AGBL4: variants seen among roughly 807,000 people sequenced by gnomAD.
The protein encoded by AGBL4 is cytosolic carboxypeptidase 6.
Under a neutral mutation model 66.4 loss-of-function variants are expected in AGBL4, and 58 were observed. The observed-to-expected ratio is 0.87, with a 90% confidence interval of 0.71 to 1.09. The LOEUF (loss-of-function observed/expected upper bound fraction) is 1.09. Among genes scored for constraint, AGBL4 ranks in the 50% least tolerant of loss-of-function variants. AGBL4 has a pLI of 0.00. For synonymous variants in AGBL4, 234 were observed against 222.9 expected (o/e 1.05, Z -0.44); for missense variants, 579 against 631.0 (o/e 0.92, Z 0.88).
At chr1:49,587,658 C>G (rs1415653768) in intron 3 of AGBL4, among the ~76,000 whole-genome samples, 1 of 152,068 alleles carries the variant, frequency 6.6e-6, no homozygotes, top group Non-Finnish European at 1.5e-5. Flanking sequence ...AGTCTGGCAT[C>G]ATGTTGCTAA....
intron 3 of AGBL4, among the ~76,000 whole-genome samples, chr1:49,416,917 G>C (rs75804763): frequency 0.011 from 1,657 of 152,138 alleles, 26 homozygotes; most frequent in African/African-American, 0.038. Context: ...TAAGGAAATG[G>C]AATATGATTG....
At chr1:48,584,332 C>T (rs148573201) in intron 11 of AGBL4, 1 of 152,184 alleles carries the variant, frequency 6.6e-6, no homozygotes, top group Admixed American at 6.6e-5. Flanking sequence ...GGACCACTTA[C>T]AGCTTCTGCC....
chr1:49,375,689 G>A (rs1644458497), intron 3 of AGBL4, among the ~76,000 whole-genome samples: 1 of 152,034 alleles, frequency 6.6e-6, no homozygotes, highest in East Asian at 1.9e-4. Flanking sequence ...GAAGAAATAT[G>A]GACAAAGCAC....
At chr1:49,806,931 G>A (rs910845470) in intron 2 of AGBL4, among the ~76,000 whole-genome samples, 3 of 152,138 alleles carry the variant, frequency 2.0e-5, no homozygotes, top group Non-Finnish European at 2.9e-5. Flanking sequence ...CCCTCTAGAG[G>A]ACACAGACAG....
intron 3 of AGBL4, among the ~76,000 whole-genome samples, chr1:49,630,062 A>G (rs1385552417): frequency 6.6e-6 from 1 of 152,168 alleles, no homozygotes; most frequent in African/African-American, 2.4e-5. Flanking sequence ...AATTAAAATA[A>G]CTATGGCCTT....
intron 6 of AGBL4, among the ~76,000 whole-genome samples, chr1:48,741,589 A>G (rs1369015179): frequency 6.6e-6 from 1 of 152,224 alleles, no homozygotes; most frequent in African/African-American, 2.4e-5. Flanking sequence ...GAGTCCTGAA[A>G]ACTAATACGT....
intron 3 of AGBL4, among the ~76,000 whole-genome samples, chr1:49,564,347 A>G (rs569026383): frequency 6.6e-6 from 1 of 152,148 alleles, no homozygotes; most frequent in Admixed American, 6.5e-5. Context: ...GCCTTCTGCT[A>G]GCTTTTGAAT....
intron 4 of AGBL4, among the ~76,000 whole-genome samples, chr1:49,245,176 C>T (rs1375328514): frequency 6.7e-6 from 1 of 149,482 alleles, no homozygotes; most frequent in East Asian, 2.0e-4. Flanking sequence ...TTATTATTAC[C>T]ATCATTATTA....
chr1:49,754,584 C>T, intron 2 of AGBL4, among the ~76,000 whole-genome samples: 1 of 152,138 alleles, frequency 6.6e-6, no homozygotes, highest in East Asian at 1.9e-4. Context: ...AGAGGGGCAC[C>T]CAACAGATGC....
At chr1:48,793,786 C>T (rs1420865196) in intron 6 of AGBL4, among the ~76,000 whole-genome samples, 1 of 152,136 alleles carries the variant, frequency 6.6e-6, no homozygotes, top group East Asian at 1.9e-4. Flanking sequence ...CTCTTTCAAG[C>T]TGTTTAGGTT....
chr1:49,978,046 A>G (rs1658724691), intron 1 of AGBL4, among the ~76,000 whole-genome samples: 1 of 152,206 alleles, frequency 6.6e-6, no homozygotes, highest in Non-Finnish European at 1.5e-5. Flanking sequence ...AAATGACTTT[A>G]TCTTCAAATT....
intron 4 of AGBL4, among the ~76,000 whole-genome samples, chr1:49,162,171 G>A (rs915827242): frequency 3.3e-5 from 5 of 152,074 alleles, no homozygotes; most frequent in African/African-American, 1.2e-4. Context: ...TGGCCACTAT[G>A]TTAATAAATA....
chr1:49,902,936 T>C (rs180857404), intron 1 of AGBL4, among the ~76,000 whole-genome samples: 73 of 152,282 alleles, frequency 4.8e-4, no homozygotes, highest in African/African-American at 1.5e-3. Context: ...TGGAATGCAG[T>C]GTGGTGATTC....
intron 1 of AGBL4, among the ~76,000 whole-genome samples, chr1:49,889,929 T>C (rs1256536646): frequency 1.3e-5 from 2 of 152,216 alleles, no homozygotes; most frequent in Non-Finnish European, 1.5e-5. Flanking sequence ...GGAATACAAA[T>C]GTAGAAGCTC....
intron 4 of AGBL4, among the ~76,000 whole-genome samples, chr1:49,142,593 C>A (rs1483166831): frequency 6.6e-6 from 1 of 152,130 alleles, no homozygotes; most frequent in Non-Finnish European, 1.5e-5. Context: ...CAATAAATAT[C>A]ATTTTCTTTC....
intron 9 of AGBL4, 101 bp from the exon 10 acceptor site, chr1:48,591,086 A>ACCCCCCCCCC (rs1644910461): frequency 1.5e-6 from 1 of 654,270 alleles, no homozygotes; most frequent in African/African-American, 3.6e-5. Flanking sequence ...ACACACACCC[A>ACCCCCCCCCC]CCCACCCCCC....
At chr1:48,828,375 C>G (rs1220875252) in intron 6 of AGBL4, among the ~76,000 whole-genome samples, 1 of 152,078 alleles carries the variant, frequency 6.6e-6, no homozygotes, top group Non-Finnish European at 1.5e-5. Context: ...TGCCAAGGCT[C>G]TATCTTTTGC....
chr1:48,566,770 T>C (rs1028648833), intron 11 of AGBL4, among the ~76,000 whole-genome samples: 1 of 152,206 alleles, frequency 6.6e-6, no homozygotes, highest in Non-Finnish European at 1.5e-5. Context: ...TGGCCTTTGT[T>C]CTTGAAAAGT....
intron 6 of AGBL4, among the ~76,000 whole-genome samples, chr1:48,669,198 C>G (rs748353098): frequency 5.3e-5 from 8 of 152,202 alleles, no homozygotes; most frequent in African/African-American, 1.9e-4. Context: ...GCCTCAGTTT[C>G]CTCACTTATA....
Sources: allele counts gnomAD v4.1 joint callset (sites outside exome capture counted in the v4.1 genomes callset), GRCh38; gene constraint gnomAD v4.1.1; transcripts MANE v1.5; gene names NCBI Gene and HGNC (gene_info 2026-07-23, HGNC 2026-07-21).